Variants in JRK observed in about 807,000 individuals in gnomAD.
JRK encodes the protein Jrk helix-turn-helix protein.
For synonymous variants in JRK, 303 were observed against 218.1 expected (o/e 1.39, Z -3.43); for missense variants, 720 against 509.2 (o/e 1.41, Z -3.98).
chr8:142,650,043 G>C, the JRK span, among the ~76,000 whole-genome samples: 1 of 152,266 alleles, frequency 6.6e-6, no homozygotes, highest in Admixed American at 6.5e-5. Flanking sequence ...TCTTGCACCA[G>C]TGTGACCTGG....
chr8:142,666,747 A>C (rs1847139736), intron 1 of JRK, among the ~76,000 whole-genome samples: 1 of 152,194 alleles, frequency 6.6e-6, no homozygotes, highest in Non-Finnish European at 1.5e-5. Flanking sequence ...ACTCCCACCA[A>C]GCAAACTGAA....
At chr8:142,669,199 T>C (rs587697668) in intron 1 of JRK, among the ~76,000 whole-genome samples, 1,631 of 61,582 alleles carry the variant, frequency 0.026, 33 homozygotes, top group African/African-American at 0.11. Context: ...TGTGTGTGTG[T>C]GCGTGTGTGT....
intron 1 of JRK, among the ~76,000 whole-genome samples, chr8:142,667,429 G>A (rs1265164531): frequency 2.9e-5 from 3 of 101,742 alleles, no homozygotes; most frequent in East Asian, 2.6e-4. Flanking sequence ...GGACGGACAC[G>A]GAGACACACA....
intron 1 of JRK, among the ~76,000 whole-genome samples, chr8:142,667,099 C>A (rs587645406): frequency 6.6e-6 from 1 of 152,366 alleles, no homozygotes; most frequent in East Asian, 1.9e-4. Context: ...GCCAAACTGC[C>A]TCTAGAAAAC....
downstream of JRK, among the ~76,000 whole-genome samples, chr8:142,653,501 G>T (rs1421314865): frequency 4.0e-5 from 6 of 151,372 alleles, 1 homozygote; most frequent in Admixed American, 3.3e-4. Context: ...AGCCTCCCAA[G>T]TACCTGAGAC....
Position 142,664,820 on chromosome 8 carries a change from C to G in JRK, c.1239G>C (p.Lys413Asn). 1 of 1,599,106 alleles carries G rather than the reference C, an allele frequency of 6.3e-7. No individual in the cohort carries two copies. Among genetic ancestry groups the G allele is most frequent in the Non-Finnish European group, 8.5e-7 (1 of 1,172,182 alleles). Reference sequence around the variant, plus strand: ...CAAGCTCCAGGATGTGTGCAAAGGACTTGTTGTGGGGCTTCACTGGGAAGC... The same window carrying G: ...CAAGCTCCAGGATGTGTGCAAAGGAGTTGTTGTGGGGCTTCACTGGGAAGC... The part of the protein sequence containing the change: ...AECFPVKPHN[K>N]SFAHILELVK... The change falls in exon 2 of 2, where the codon AAG (lysine) becomes AAC (asparagine). Residue 413 changes from lysine to asparagine, a missense_variant. By Grantham distance (94) the Lys-to-Asn change is moderately conservative. Transcript: ENST00000612905.
At chr8:142,667,330 G>C (rs1228008407) in intron 1 of JRK, among the ~76,000 whole-genome samples, 1 of 152,256 alleles carries the variant, frequency 6.6e-6, no homozygotes, top group African/African-American at 2.4e-5. Context: ...CAGCCACACT[G>C]AGCCGCTGGT....
rs374553677 is a variant in JRK, at chr8:142,665,861, G to A, written c.198C>T (p.Phe66=). 6.0e-5 allele frequency: 47 copies of A among 781,052 alleles called. No homozygotes were observed. In the African/African-American group the frequency reaches 6.1e-4, roughly 10 times the overall value. 48.4% of individuals were successfully genotyped at this position (781,052 alleles called of 1,614,324 possible). A position where few individuals can be genotyped will look rare whatever the true frequency, so the allele number is the denominator to read the frequency against. The change falls in exon 2 of 2, where the codon TTC becomes TTT. Residue 66 remains phenylalanine, a synonymous_variant. Transcript: ENST00000612905. ...GCGCCTTGTTGGAGTCGGAGCTGGC[G>A]AAGAACCGGAGCAGCTGCGCCTTGT... The part of the protein sequence containing the change: ...RAHKAQLLRF[F]ASSDSNKALE...
Position 142,659,230 on chromosome 8 carries a change from C to T in JRK, c.*5122G>A. 2 of 1,128,792 alleles carry T rather than the reference C, an allele frequency of 1.8e-6. No homozygotes were observed. The highest frequency in any genetic ancestry group is 2.2e-6 in the Non-Finnish European group (2 of 917,598). The allele number at this position is 1,128,792 out of a possible 1,614,324, so 69.9% of individuals were successfully genotyped here. On this transcript the variant is annotated 3_prime_UTR_variant, in exon 2 of 2. Coordinates refer to ENST00000612905, the MANE Select transcript of JRK (RefSeq NM_003724.4). ...ACATCAGAAATAGGGAACCCAAGACCTCGAGAGAGGAAATGGGCCCAGGGA... is the reference window on the plus strand; with the variant it reads ...ACATCAGAAATAGGGAACCCAAGACTTCGAGAGAGGAAATGGGCCCAGGGA...
chr8:142,666,864 T>C (rs1292633971), intron 1 of JRK, among the ~76,000 whole-genome samples: 2 of 152,302 alleles, frequency 1.3e-5, no homozygotes, highest in African/African-American at 4.8e-5. Flanking sequence ...GGAAGTCCGA[T>C]GCTGGGCGGA....
chr8:142,648,930 C>T, the JRK span, among the ~76,000 whole-genome samples: 4 of 152,242 alleles, frequency 2.6e-5, no homozygotes, highest in Admixed American at 2.0e-4. Flanking sequence ...TGGGAACCCA[C>T]CTCTTGCATC....
Position 142,658,799 on chromosome 8 carries a change from T to A in JRK, c.*5553A>T, listed in dbSNP as rs1309060191. On this transcript the variant is annotated 3_prime_UTR_variant, in exon 2 of 2. Transcript: ENST00000612905. ...CCAACACCCATAACCTCAAGGGCAC[T>A]GGTGGGGACAGAGGGGTCTTACCCA... 1.3e-6 allele frequency: 2 copies of A among 1,577,672 alleles called. No homozygotes were observed. Among genetic ancestry groups the A allele is most frequent in the African/African-American group, 2.7e-5 (2 of 74,160 alleles).
At position 142,661,241 on chromosome 8, in the gene JRK, G is replaced by A; in HGVS notation, c.*3111C>T. 1 of 985,602 alleles carries A rather than the reference G, an allele frequency of 1.0e-6. No individual in the cohort carries two copies. Among genetic ancestry groups the A allele is most frequent in the Non-Finnish European group, 1.2e-6 (1 of 830,076 alleles). 61.1% of individuals were successfully genotyped at this position (985,602 alleles called of 1,614,324 possible). On this transcript the variant is annotated 3_prime_UTR_variant, in exon 2 of 2. Coordinates refer to ENST00000612905, the MANE Select transcript of JRK (RefSeq NM_003724.4). ...GCAGAAGGCCAGGCTGGCACAGGCA[G>A]GACAGGTGTTCTGTAAACCAACCCC...
chr8:142,668,848 C>T (rs1426643453), intron 1 of JRK, among the ~76,000 whole-genome samples: 3 of 151,730 alleles, frequency 2.0e-5, no homozygotes, highest in African/African-American at 7.3e-5. Flanking sequence ...CCACAAGGAG[C>T]CCGTGTCTGG....
At chr8:142,646,755 TTTC>T in the JRK span, among the ~76,000 whole-genome samples, 8 of 152,274 alleles carry the variant, frequency 5.3e-5, no homozygotes, top group South Asian at 1.5e-3. Context: ...GTGCTTTTAT[TTTC>T]TTAAGCCAGT....
chr8:142,644,113 A>C, the JRK span, among the ~76,000 whole-genome samples: 5 of 152,084 alleles, frequency 3.3e-5, no homozygotes, highest in African/African-American at 1.2e-4. Flanking sequence ...ATAGGTCCTG[A>C]AAGTTTTCCT....
Position 142,667,083 on chromosome 8 carries a change from C to G in JRK, c.-462-563G>C, listed in dbSNP as rs181414967. 1.8e-4 allele frequency among the ~76,000 whole-genome samples: 27 copies of G among 152,358 alleles called. No individual in the cohort carries two copies. In the East Asian group the frequency reaches 4.8e-3, roughly 27 times the overall value. ...GGTCTCTAAACTCCTCTCTCCGACA[C>G]AGAGCGCCAAACTGCCTCTAGAAAA... On this transcript the variant is annotated intron_variant, in intron 1 of 1. Transcript: ENST00000612905.
chr8:142,667,432 GACACAC>G (rs59385009), intron 1 of JRK, among the ~76,000 whole-genome samples: 18,282 of 146,826 alleles, frequency 0.12, 1,237 homozygotes, highest in Admixed American at 0.18. Context: ...CGGACACGGA[GACACAC>G]ACACACACAC....
At position 142,660,685 on chromosome 8, in the gene JRK, A is replaced by C. The variant is rs1846885843; in HGVS notation, c.*3667T>G. The C allele has an allele frequency of 1.0e-6, 1 of 985,062 alleles. No homozygotes were observed. The highest frequency in any genetic ancestry group is 4.7e-5 in the South Asian group (1 of 21,286). The allele number at this position is 985,062 out of a possible 1,614,324, so 61.0% of individuals were successfully genotyped here. ...CCAGAGTACTGGGATTTCAGGCAGAAGCCACCACACCCGGATCCCCAATAA... is the reference window on the plus strand; with the variant it reads ...CCAGAGTACTGGGATTTCAGGCAGACGCCACCACACCCGGATCCCCAATAA... On this transcript the variant is annotated 3_prime_UTR_variant, in exon 2 of 2. Coordinates refer to ENST00000612905, the MANE Select transcript of JRK (RefSeq NM_003724.4).
Sources: gnomAD v4.1 joint callset for allele counts (sites outside exome capture counted in the v4.1 genomes callset) on GRCh38, gnomAD v4.1.1 for gene constraint, MANE v1.5 for transcripts, NCBI Gene and HGNC (gene_info 2026-07-23, HGNC 2026-07-21) for gene names.